HJURP: variants seen among roughly 807,000 people sequenced by gnomAD.
HJURP encodes Holliday junction recognition protein, also known as 14-3-3-associated AKT substrate.
A neutral mutation model predicts 72.0 loss-of-function variants in HJURP; 49 were observed. That is an observed-to-expected ratio of 0.68 (90% CI 0.54 to 0.86). The LOEUF (loss-of-function observed/expected upper bound fraction) is 0.86. Ranked by LOEUF, HJURP falls within the 40% of genes least tolerant of loss-of-function variation. HJURP has a pLI of 0.00. For missense variants in HJURP, 908 were observed against 936.3 expected, an observed-to-expected ratio of 0.97 and a Z score of 0.39; for synonymous variants, 357 against 347.1, an observed-to-expected ratio of 1.03 and a Z score of -0.32.
rs770689952 is a variant in HJURP, at chr2:233,854,423, G to A, written c.78C>T (p.Arg26=). 3.7e-6 allele frequency: 6 copies of A among 1,610,312 alleles called. No homozygotes were observed. In the South Asian group the frequency reaches 5.5e-5, roughly 15 times the overall value. ...DQLLQKLRAS[R]RRFQRRMQRL... ...GCTGCATGCGCCTCTGGAAGCGGCG[G>A]CGACTGGCCCTGAGCTTCTGCAGCA... Residue 26 remains arginine (R), a synonymous_variant, in exon 1 of 9, where the codon CGC becomes CGT. Coordinates refer to ENST00000411486, the MANE Select transcript of HJURP (RefSeq NM_018410.5).
intron 6 of HJURP, 93 bp downstream of exon 6, chr2:233,845,635 G>A: frequency 1.3e-6 from 1 of 772,814 alleles, no homozygotes; most frequent in East Asian, 2.6e-5. Context: ...TATGGGTTCT[G>A]TAGAAAAAAC....
Position 233,849,286 on chromosome 2 carries a change from C to T in HJURP, c.337+477G>A, listed in dbSNP as rs114673385. 6.4e-3 allele frequency among the ~76,000 whole-genome samples: 979 copies of T among 152,154 alleles called. 11 individuals are homozygous for T. Among genetic ancestry groups the T allele is most frequent in the African/African-American group, 0.022 (928 of 41,482 alleles). ...GAGTCTGAGCGCATCTAAATACCGA[C>T]GGATGGATCCAGGGGACAGAGACTG... is the stretch of plus-strand genomic sequence containing the variant. On this transcript the variant is annotated intron_variant, in intron 4 of 8. Coordinates refer to ENST00000411486, the MANE Select transcript of HJURP (RefSeq NM_018410.5).
At chr2:233,845,440 C>T (rs764416615) in intron 6 of HJURP, among the ~76,000 whole-genome samples, 7 of 152,116 alleles carry the variant, frequency 4.6e-5, no homozygotes, top group Non-Finnish European at 7.4e-5. Context: ...ACATGAGCCA[C>T]TGTGCCTGGC....
chr2:233,839,388 G>A (rs942533457), intron 8 of HJURP, among the ~76,000 whole-genome samples: 4 of 152,220 alleles, frequency 2.6e-5, no homozygotes, highest in Non-Finnish European at 4.4e-5. Context: ...CTGGGGAGTA[G>A]GGGGAGAATG....
At position 233,841,383 on chromosome 2, in the gene HJURP, A is replaced by T. The variant is rs138901859; in HGVS notation, c.1397T>A (p.Met466Lys). The T allele has an allele frequency of 6.2e-7, 1 of 1,614,052 alleles. No individual in the cohort carries two copies. The highest frequency in any genetic ancestry group is 8.5e-7 in the Non-Finnish European group (1 of 1,180,010). The change falls in exon 8 of 9, where the codon ATG (methionine) becomes AAG (lysine). Residue 466 changes from methionine to lysine, a missense_variant. Met to Lys is a moderately conservative substitution (Grantham distance 95). Around this residue, in one of 3 missense-constraint regions of HJURP, gnomAD observed 598 missense variants for 619.5 expected, o/e 0.97. Transcript: ENST00000411486. Reference protein sequence around the residue: ...MCLPDSWAMNMYRGGPASPGG... With the variant: ...MCLPDSWAMNKYRGGPASPGG... ...AGGACTCGCAGGACCCCCTCTGTACATGTTCATGGCCCAGGAGTCCGGGAG... is the reference window on the plus strand; with the variant it reads ...AGGACTCGCAGGACCCCCTCTGTACTTGTTCATGGCCCAGGAGTCCGGGAG...
intron 7 of HJURP, among the ~76,000 whole-genome samples, chr2:233,843,022 G>A (rs532695409): frequency 2.6e-5 from 4 of 152,234 alleles, no homozygotes; most frequent in Admixed American, 2.0e-4. Flanking sequence ...ATTGCATACC[G>A]GCAATGGATT....
At chr2:233,842,936 C>T (rs1450684887) in intron 7 of HJURP, among the ~76,000 whole-genome samples, 1 of 152,200 alleles carries the variant, frequency 6.6e-6, no homozygotes, top group African/African-American at 2.4e-5. Context: ...AAACGCATGT[C>T]GTTGCACTAC....
At chr2:233,845,652 CATA>C (rs1362436489) in intron 6 of HJURP, 73 bp downstream of exon 6, 1 of 923,212 alleles carries the variant, frequency 1.1e-6, no homozygotes, top group African/African-American at 1.7e-5. Context: ...AAACAAAAAG[CATA>C]ATAACACTGT....
In HJURP at chr2:233,837,657, G is replaced by GAAA; in HGVS notation, c.2172-8_2172-6dup. 1 of 1,419,046 alleles carries GAAA rather than the reference G, an allele frequency of 7.0e-7. No homozygotes were observed. The highest frequency in any genetic ancestry group is 9.5e-7 in the Non-Finnish European group (1 of 1,052,140). 87.9% of individuals were successfully genotyped at this position (1,419,046 alleles called of 1,614,324 possible). A position where few individuals can be genotyped will look rare whatever the true frequency, so the allele number is the denominator to read the frequency against. ...CTGTAAGACGTGTTCTCTCCTCTAG[G>GAAA]AAAAAAAAAAGACAAAGAAAATGAT... On this transcript the variant is annotated splice_region_variant and splice_polypyrimidine_tract_variant and intron_variant, in intron 8 of 8. Coordinates refer to ENST00000411486, the MANE Select transcript of HJURP (RefSeq NM_018410.5).
At chr2:233,850,062 C>T (rs941994746) in intron 3 of HJURP, among the ~76,000 whole-genome samples, 2 of 152,190 alleles carry the variant, frequency 1.3e-5, no homozygotes, top group Admixed American at 6.5e-5. Flanking sequence ...TGGGTTGCAG[C>T]GGGGGCTGCT....
chr2:233,837,572 C>T lies in HJURP; in HGVS notation c.*5G>A. 3 of 1,589,646 alleles carry T rather than the reference C, an allele frequency of 1.9e-6. No individual in the cohort carries two copies. The highest frequency in any genetic ancestry group is 2.6e-6 in the Non-Finnish European group (3 of 1,159,228). On this transcript the variant is annotated 3_prime_UTR_variant, in exon 9 of 9. Transcript: ENST00000411486. ...GAAGATAAATAACACTCCGAAATAA[C>T]CTAGCTACACACTTTTAGTTTCCAA...
chr2:233,838,649 G>GGA (rs1379625183), intron 8 of HJURP, among the ~76,000 whole-genome samples: 1 of 152,136 alleles, frequency 6.6e-6, no homozygotes, highest in African/African-American at 2.4e-5. Flanking sequence ...CTGATGTGTG[G>GGA]GAGACCAGGA....
At position 233,846,740 on chromosome 2, in the gene HJURP, A is replaced by G. The variant is rs1559498165; in HGVS notation, c.402+657T>C. Among the ~76,000 whole-genome samples the G allele has an allele frequency of 6.6e-6, 1 of 152,202 alleles. No homozygotes were observed. Among genetic ancestry groups the G allele is most frequent in the Non-Finnish European group, 1.5e-5 (1 of 68,044 alleles). ...CCCTCTGCACAAAAGTAGCAATTTT[A>G]GAGGAAAACCATGCATCAGGTATTC... On this transcript the variant is annotated intron_variant, in intron 5 of 8. Coordinates refer to ENST00000411486, the MANE Select transcript of HJURP (RefSeq NM_018410.5). This position sits in a 1 kb window ranked among gnomAD's most constrained non-coding sequence, Gnocchi z 4.3.
rs544257728 is a variant in HJURP at position 233,843,392 on chromosome 2, C to A, written c.574+813G>T. ...ATCGAAGTAAGGTCTTACCTTAACT[C>A]AATGACCAGCCTAAAAGTCACCAAG... On this transcript the variant is annotated intron_variant, in intron 7 of 8. Coordinates refer to ENST00000411486, the MANE Select transcript of HJURP (RefSeq NM_018410.5). 4.6e-5 allele frequency among the ~76,000 whole-genome samples: 7 copies of A among 152,284 alleles called. No individual in the cohort carries two copies. The East Asian group carries it at 1.2e-3, about 25-fold the overall frequency.
chr2:233,847,560 T>C, intron 4 of HJURP, 99 bp from the exon 5 acceptor site: 1 of 1,006,226 alleles, frequency 9.9e-7, no homozygotes, highest in Non-Finnish European at 1.6e-6. Context: ...AGTTGTACAG[T>C]AAAAATCCCC....
At chr2:233,851,211 CAA>C (rs1705487764) in intron 3 of HJURP, among the ~76,000 whole-genome samples, 1 of 152,176 alleles carries the variant, frequency 6.6e-6, no homozygotes, top group Non-Finnish European at 1.5e-5. Context: ...ATGCATAATT[CAA>C]AGAGTATATA....
chr2:233,854,484 C>G lies in HJURP; in HGVS notation c.17G>C (p.Arg6Pro), dbSNP rs1428344890. MLGTL[R>P]AMEGEDVEDD... is the part of the protein sequence containing the mutation. ...TTCCACGTCCTCGCCCTCCATGGCG[C>G]GCAGCGTACCCAGCATCGGACCCAG... Residue 6 changes from arginine to proline, a missense_variant, in exon 1 of 9, where the codon CGC becomes CCC. Physicochemically the swap from Arg to Pro is moderately radical, Grantham distance 103 (BLOSUM62 -2). This residue lies in a region of HJURP where 299 missense variants were observed against 286.7 expected (regional missense o/e 1.04). Transcript: ENST00000411486. 6.2e-7 allele frequency: 1 copy of G among 1,611,702 alleles called. No individual in the cohort carries two copies. The highest frequency in any genetic ancestry group is 8.5e-7 in the Non-Finnish European group (1 of 1,178,946).
chr2:233,847,359 G>A lies in HJURP; in HGVS notation c.402+38C>T, dbSNP rs28900710. On this transcript the variant is annotated intron_variant, in intron 5 of 8. Coordinates refer to ENST00000411486, the MANE Select transcript of HJURP (RefSeq NM_018410.5). ...TTGATGGACCCCTGAGCCCCCAAGC[G>A]CCCCCTCTGTCCATTCATTACTAAA... 2,311 of 1,532,402 alleles carry A rather than the reference G, an allele frequency of 1.5e-3. 21 individuals are homozygous for A. The African/African-American group carries it at 0.022, about 15-fold the overall frequency. 94.9% of individuals were successfully genotyped at this position (1,532,402 alleles called of 1,614,324 possible). A position where few individuals can be genotyped will look rare whatever the true frequency, so the allele number is the denominator to read the frequency against.
rs930537512 is a variant in HJURP, at chr2:233,841,579, C to T, written c.1201G>A (p.Glu401Lys). The change falls in exon 8 of 9, where the codon GAA becomes AAA. Residue 401 changes from glutamate (E) to lysine (K), a missense_variant. Glu to Lys is a moderately conservative substitution (Grantham distance 56, BLOSUM62 1). This residue lies in a region of HJURP where 598 missense variants were observed against 619.5 expected (regional missense o/e 0.97). Coordinates refer to ENST00000411486, the MANE Select transcript of HJURP (RefSeq NM_018410.5). ...DSSATYNLDE[E>K]NRFRTLKWLI... ...CATTTTAATGTCCTAAATCTATTTT[C>T]CTCATCAAGATTATATGTTGCACTG... 14 of 1,614,138 alleles carry T rather than the reference C, an allele frequency of 8.7e-6. No homozygotes were observed. In the African/African-American group the frequency reaches 1.3e-4, roughly 15 times the overall value.
Sources: allele counts gnomAD v4.1 joint callset (sites outside exome capture counted in the v4.1 genomes callset), GRCh38; gene constraint gnomAD v4.1.1; regional missense constraint gnomAD v4.1.1; non-coding constraint Gnocchi (gnomAD v3.1); transcripts MANE v1.5; gene names NCBI Gene and HGNC (gene_info 2026-07-23, HGNC 2026-07-21).